TK1: variants seen among roughly 807,000 people sequenced by gnomAD.
TK1 encodes thymidine kinase 1, also known as thymidine kinase, cytosolic.
TK1 carries 13 observed loss-of-function variants against 22.4 expected under a neutral mutation model. That is an observed-to-expected ratio of 0.58 (90% CI 0.38 to 0.92). The LOEUF (loss-of-function observed/expected upper bound fraction) is 0.92. Ranked by LOEUF, TK1 falls within the 40% of genes least tolerant of loss-of-function variation. The pLI is 0.00. For missense variants in TK1, 251 were observed against 315.7 expected, an observed-to-expected ratio of 0.80 and a Z score of 1.55; for synonymous variants, 134 against 125.4, an observed-to-expected ratio of 1.07 and a Z score of -0.46.
intron 4 of TK1, among the ~76,000 whole-genome samples, chr17:78,175,987 C>T (rs1192617867): frequency 6.6e-6 from 1 of 152,238 alleles, no homozygotes; most frequent in Non-Finnish European, 1.5e-5. Context: ...GTGACCTTGG[C>T]AATGAATTAA....
chr17:78,174,982 C>T lies in TK1; in HGVS notation c.514-32G>A, dbSNP rs61536170. 1.6e-5 allele frequency: 26 copies of T among 1,610,472 alleles called. No individual in the cohort carries two copies. In the East Asian group the frequency reaches 5.1e-4, roughly 32 times the overall value. On this transcript the variant is annotated intron_variant, in intron 6 of 6. Coordinates refer to ENST00000301634, the MANE Select transcript of TK1 (RefSeq NM_003258.5). ...GCAGGGACAGGGGATGGGTGAAGGG[C>T]CAGGACAGGAAGGAGGCAGAGCCAT...
At chr17:78,182,868 A>T (rs1399119306) in intron 3 of TK1, among the ~76,000 whole-genome samples, 186 bp from the exon 4 acceptor site, 1 of 152,074 alleles carries the variant, frequency 6.6e-6, no homozygotes, top group Non-Finnish European at 1.5e-5. Context: ...TTATTTATTT[A>T]TTTTTTATGA....
At chr17:78,175,487 C>G (rs200898699) in intron 5 of TK1, 42 bp downstream of exon 5, 22 of 1,580,932 alleles carry the variant, frequency 1.4e-5, no homozygotes, top group Admixed American at 5.2e-5. Context: ...AAGCCTCTTG[C>G]CCTCCTCAAT....
intron 5 of TK1, 50 bp from the exon 6 acceptor site, chr17:78,175,219 G>GTTTTTTTTTTTTT (rs766791423): frequency 5.1e-6 from 8 of 1,574,994 alleles, no homozygotes; most frequent in Admixed American, 4.3e-5. Context: ...TACCAGGTGG[G>GTTTTTTTTTTTTT]TTTTTCTTTT....
At chr17:78,175,211 C>G in intron 5 of TK1, 42 bp from the exon 6 acceptor site, 3 of 1,594,606 alleles carry the variant, frequency 1.9e-6, no homozygotes, top group Non-Finnish European at 2.6e-6. Context: ...AGCCACCTTA[C>G]CAGGTGGGTT....
chr17:78,185,997 A>C (rs2075786357), intron 2 of TK1, among the ~76,000 whole-genome samples: 1 of 152,178 alleles, frequency 6.6e-6, no homozygotes, highest in Non-Finnish European at 1.5e-5. Flanking sequence ...ATGGTGGCTA[A>C]CATCTGTAAT....
intron 4 of TK1, among the ~76,000 whole-genome samples, chr17:78,181,843 C>G (rs58996545): frequency 6.6e-6 from 1 of 151,726 alleles, no homozygotes; most frequent in Non-Finnish European, 1.5e-5. Flanking sequence ...ACTGCAGCCT[C>G]GACCTCCCAG....
chr17:78,185,260 T>A (rs904125213), intron 2 of TK1, 95 bp from the exon 3 acceptor site: 1 of 905,546 alleles, frequency 1.1e-6, no homozygotes, highest in Admixed American at 2.0e-5. Flanking sequence ...TTGTCCCTAG[T>A]GGTATGCAGA....
At chr17:78,184,653 C>T (rs947197684) in intron 3 of TK1, among the ~76,000 whole-genome samples, 6 of 152,150 alleles carry the variant, frequency 3.9e-5, no homozygotes, top group African/African-American at 1.4e-4. Context: ...TGAAACCCTA[C>T]GGCAGAGTTT....
At chr17:78,185,919 C>T (rs1418265536) in intron 2 of TK1, among the ~76,000 whole-genome samples, 1 of 152,194 alleles carries the variant, frequency 6.6e-6, no homozygotes, top group Admixed American at 6.5e-5. Context: ...CTCTGAGCCA[C>T]ATCTTCCTGA....
rs1567836974 is a variant in TK1, at chr17:78,186,691, AGGGG to A, written c.98+92_98+95del. 9 of 804,322 alleles carry A rather than the reference AGGGG, an allele frequency of 1.1e-5. 1 individual carries two copies. The highest frequency in any genetic ancestry group is 9.6e-5 in the African/African-American group (2 of 20,798). 49.8% of individuals were successfully genotyped at this position (804,322 alleles called of 1,614,324 possible). On this transcript the variant is annotated intron_variant, in intron 2 of 6. Transcript: ENST00000301634. ...AGGGAAGGGGAGGGAAGGGAAGGGG[AGGGG>A]AGGGGAGGGGAGGGAAGGGGAGGGG...
chr17:78,179,419 G>A, intron 4 of TK1: 1 of 985,476 alleles, frequency 1.0e-6, no homozygotes, highest in Non-Finnish European at 1.2e-6. Flanking sequence ...GCGCACCTCT[G>A]AAGGTCAGAA....
chr17:78,187,089 G>A (rs949744353), upstream of TK1: 4 of 1,370,960 alleles, frequency 2.9e-6, no homozygotes, highest in Admixed American at 5.7e-5. Flanking sequence ...ACCACGGCGT[G>A]CTGGCCAATC....
At chr17:78,182,333 C>T (rs1320377288) in intron 4 of TK1, among the ~76,000 whole-genome samples, 2 of 146,996 alleles carry the variant, frequency 1.4e-5, no homozygotes, top group East Asian at 2.0e-4. Context: ...ATTGTGCCAT[C>T]GTACTCCGGC....
At chr17:78,175,780 C>A (rs1403672350) in intron 4 of TK1, among the ~76,000 whole-genome samples, 162 bp from the exon 5 acceptor site, 1 of 152,176 alleles carries the variant, frequency 6.6e-6, no homozygotes, top group Non-Finnish European at 1.5e-5. Flanking sequence ...ACTGTGTCCA[C>A]CCGCACGCCC....
chr17:78,182,920 G>A (rs1291489619), intron 3 of TK1, among the ~76,000 whole-genome samples: 2 of 152,130 alleles, frequency 1.3e-5, no homozygotes, highest in Non-Finnish European at 2.9e-5. Context: ...GTGCAGTGGC[G>A]CCATCTCGGC....
In TK1 at chr17:78,182,629, G is replaced by A. The variant is rs569145114; in HGVS notation, c.263C>T (p.Ala88Val). 1 of 1,595,602 alleles carries A rather than the reference G, an allele frequency of 6.3e-7. No homozygotes were observed. Among genetic ancestry groups the A allele is most frequent in the Non-Finnish European group, 8.5e-7 (1 of 1,172,288 alleles). ...ACLLRDVAQE[A>V]LGVAVIGIDE... ...GATGCCTATGACAGCCACGCCCAGG[G>A]CCTCCTGGGCCACGTCTCGGAGCAG... Residue 88 changes from alanine to valine, a missense_variant, in exon 4 of 7, where the codon GCC becomes GTC. By Grantham distance (64) the Ala-to-Val change is moderately conservative. Transcript: ENST00000301634.
intron 4 of TK1, among the ~76,000 whole-genome samples, chr17:78,181,633 C>G (rs1330908954): frequency 6.6e-6 from 1 of 151,912 alleles, no homozygotes; most frequent in Non-Finnish European, 1.5e-5. Flanking sequence ...CATACAAAGA[C>G]TGGCAGCTTC....
Position 78,185,174 on chromosome 17 carries a change from G to C in TK1, c.99-9C>G, listed in dbSNP as rs1167111368. 10 of 1,611,766 alleles carry C rather than the reference G, an allele frequency of 6.2e-6. No individual in the cohort carries two copies. Among genetic ancestry groups the C allele is most frequent in the Admixed American group, 3.3e-5 (2 of 59,794 alleles). On this transcript the variant is annotated splice_polypyrimidine_tract_variant and intron_variant, in intron 2 of 6. Transcript: ENST00000301634. ...GTCTCATCAACTCTGTGCTGCAAGA[G>C]GAGAGAGGGTCAGGTGAGGTCCACG... is the stretch of plus-strand genomic sequence containing the variant.
Sources: gnomAD v4.1 joint callset for allele counts (sites outside exome capture counted in the v4.1 genomes callset) on GRCh38, gnomAD v4.1.1 for gene constraint, MANE v1.5 for transcripts, NCBI Gene and HGNC (gene_info 2026-07-23, HGNC 2026-07-21) for gene names.